Variants in WDFY2 observed in about 807,000 individuals in gnomAD.
WDFY2 encodes the protein WD repeat and FYVE domain-containing protein 2.
A neutral mutation model predicts 56.4 loss-of-function variants in WDFY2; 36 were observed. That is an observed-to-expected ratio of 0.64 (90% CI 0.49 to 0.84). WDFY2 has a LOEUF of 0.84. WDFY2 is among the 40% of genes least tolerant of loss of function. The pLI, the probability that WDFY2 is intolerant of heterozygous loss-of-function variation, is 0.00. For synonymous variants in WDFY2, 176 were observed against 183.7 expected (o/e 0.96, Z 0.34); for missense variants, 444 against 512.2 (o/e 0.87, Z 1.29).
chr13:51,702,916 C>T (rs537322109), intron 3 of WDFY2, among the ~76,000 whole-genome samples: 172 of 152,308 alleles, frequency 1.1e-3, no homozygotes, highest in Middle Eastern at 3.4e-3. Flanking sequence ...CTTCTACATA[C>T]AGGTCACTGT....
At chr13:51,672,471 G>A (rs980113388) in intron 2 of WDFY2, among the ~76,000 whole-genome samples, 9 of 151,860 alleles carry the variant, frequency 5.9e-5, no homozygotes, top group Admixed American at 2.6e-4. Context: ...GTTTGAAGTC[G>A]GGTAATGTGA....
At position 51,660,634 on chromosome 13, in the gene WDFY2, A is replaced by G. The variant is rs541421313; in HGVS notation, c.176A>G (p.Tyr59Cys). 2 of 1,613,854 alleles carry G rather than the reference A, an allele frequency of 1.2e-6. No homozygotes were observed. Among genetic ancestry groups the G allele is most frequent in the Admixed American group, 3.3e-5 (2 of 60,022 alleles). ...RVWLKRDSGQ[Y>C]WPSVYHAMPS... ...TGGTTAAAGAGAGACAGTGGACAGTATTGGCCAAGCGTATACCATGCAATG... is the reference window on the plus strand; with the variant it reads ...TGGTTAAAGAGAGACAGTGGACAGTGTTGGCCAAGCGTATACCATGCAATG... The change falls in exon 2 of 12, where the codon TAT (tyrosine) becomes TGT (cysteine). Residue 59 changes from tyrosine to cysteine, a missense_variant. Tyr to Cys is a radical substitution (Grantham distance 194). Coordinates refer to ENST00000298125, the MANE Select transcript of WDFY2 (RefSeq NM_052950.4).
chr13:51,729,957 G>A (rs1952687175), intron 6 of WDFY2, among the ~76,000 whole-genome samples: 2 of 152,186 alleles, frequency 1.3e-5, no homozygotes, highest in African/African-American at 2.4e-5. Flanking sequence ...CTGAAACTCT[G>A]TTCCCTTGGA....
At chr13:51,738,112 G>A (rs1224604417) in intron 6 of WDFY2, among the ~76,000 whole-genome samples, 2 of 152,148 alleles carry the variant, frequency 1.3e-5, no homozygotes, top group African/African-American at 4.8e-5. Context: ...TAAGAAAAAT[G>A]TCAGATTCCA....
At chr13:51,735,666 C>T (rs148565336) in intron 6 of WDFY2, among the ~76,000 whole-genome samples, 3 of 152,326 alleles carry the variant, frequency 2.0e-5, no homozygotes, top group Non-Finnish European at 4.4e-5. Context: ...GAGCCTAGCA[C>T]AGTTCCTCCA....
At chr13:51,631,804 C>T (rs1954957779) in intron 1 of WDFY2, among the ~76,000 whole-genome samples, 1 of 152,232 alleles carries the variant, frequency 6.6e-6, no homozygotes, top group African/African-American at 2.4e-5. Flanking sequence ...GCTGGGATTA[C>T]AGGCGTGAGC....
intron 6 of WDFY2, among the ~76,000 whole-genome samples, chr13:51,736,962 C>G (rs1290467950): frequency 6.6e-6 from 1 of 152,176 alleles, no homozygotes; most frequent in Non-Finnish European, 1.5e-5. Context: ...CCTTTCTAAT[C>G]ATTCTTTTTA....
intron 1 of WDFY2, among the ~76,000 whole-genome samples, chr13:51,593,446 A>C (rs556484058): frequency 6.6e-6 from 1 of 152,190 alleles, no homozygotes; most frequent in South Asian, 2.1e-4. Flanking sequence ...TCTTTAGGAA[A>C]GATTGTAAGA....
intron 4 of WDFY2, among the ~76,000 whole-genome samples, chr13:51,712,307 G>A (rs1303574153): frequency 1.3e-5 from 2 of 152,108 alleles, no homozygotes; most frequent in Non-Finnish European, 2.9e-5. Flanking sequence ...TGGTGTGGGG[G>A]GAGCGGGGAG....
At position 51,766,022 on chromosome 13, in the gene WDFY2, AAAAG is replaced by A. The variant is rs991301641; in HGVS notation, c.*6254_*6257del. 2.0e-5 allele frequency: 3 copies of A among 152,176 alleles called. No individual in the cohort carries two copies. The highest frequency in any genetic ancestry group is 7.2e-5 in the African/African-American group (3 of 41,442). The allele number at this position is 152,176 out of a possible 1,614,324, so 9.4% of individuals were successfully genotyped here. ...GAGAAGGTGAGCTGTCACTCACAAAAAAAGGGAAAATGATTTGAAAAATGTTTCA... is the reference window on the plus strand; with the variant it reads ...GAGAAGGTGAGCTGTCACTCACAAAAGGAAAATGATTTGAAAAATGTTTCA... On this transcript the variant is annotated 3_prime_UTR_variant, in exon 12 of 12. Transcript: ENST00000298125.
chr13:51,753,930 C>CAA (rs537276266), intron 8 of WDFY2, among the ~76,000 whole-genome samples: 15 of 135,304 alleles, frequency 1.1e-4, no homozygotes, highest in African/African-American at 1.6e-4. Flanking sequence ...ACTAACAATA[C>CAA]AAAAAAAAAA....
At chr13:51,654,088 C>T (rs751078702) in intron 1 of WDFY2, among the ~76,000 whole-genome samples, 1 of 152,192 alleles carries the variant, frequency 6.6e-6, no homozygotes, top group Non-Finnish European at 1.5e-5. Flanking sequence ...TTTACCTACT[C>T]AACCCTAGGC....
chr13:51,608,103 C>T (rs1954417936), intron 1 of WDFY2, among the ~76,000 whole-genome samples: 1 of 152,138 alleles, frequency 6.6e-6, no homozygotes, highest in Non-Finnish European at 1.5e-5. Flanking sequence ...TTGATTTTAG[C>T]CCCTTAACAC....
intron 1 of WDFY2, among the ~76,000 whole-genome samples, chr13:51,653,412 A>G (rs934979409): frequency 2.0e-5 from 3 of 152,200 alleles, no homozygotes; most frequent in Non-Finnish European, 2.9e-5. Context: ...CGTCAAAGTC[A>G]TTCTCCGTCC....
chr13:51,640,215 T>A (rs549689986), intron 1 of WDFY2, among the ~76,000 whole-genome samples: 1 of 152,248 alleles, frequency 6.6e-6, no homozygotes, highest in African/African-American at 2.4e-5. Context: ...ACTGTTTTTC[T>A]ATTTATAATC....
At position 51,698,840 on chromosome 13, in the gene WDFY2, A is replaced by G. The variant is rs138189982; in HGVS notation, c.280-4756A>G. 5.0e-3 allele frequency among the ~76,000 whole-genome samples: 755 copies of G among 152,340 alleles called. 5 individuals are homozygous for G. The highest frequency in any genetic ancestry group is 0.014 in the African/African-American group (593 of 41,572). On this transcript the variant is annotated intron_variant, in intron 3 of 11. Coordinates refer to ENST00000298125, the MANE Select transcript of WDFY2 (RefSeq NM_052950.4). ...AAAAATAAAACATTTCAGTACTACG[A>G]AAGATTTGATAAAATTCAAAGGCAG... is the stretch of plus-strand genomic sequence containing the variant.
In WDFY2 at chr13:51,751,337, A is replaced by G; in HGVS notation, c.753A>G (p.Ala251=). The G allele has an allele frequency of 6.2e-7, 1 of 1,613,990 alleles. No homozygotes were observed. The highest frequency in any genetic ancestry group is 1.1e-5 in the South Asian group (1 of 91,084). The change falls in exon 8 of 12, where the codon GCA becomes GCG. Residue 251 remains alanine, a synonymous_variant. Coordinates refer to ENST00000298125, the MANE Select transcript of WDFY2 (RefSeq NM_052950.4). The part of the protein sequence containing the change: ...HNDRVQALSY[A]QHTRQLISCG... The stretch of plus-strand genomic sequence containing the variant: ...ACAGAGTCCAGGCCCTCTCCTATGC[A>G]CAGCACACGCGACAATTGATCTCCT...
chr13:51,686,213 T>C (rs762479027), intron 3 of WDFY2, among the ~76,000 whole-genome samples: 5 of 152,168 alleles, frequency 3.3e-5, no homozygotes, highest in Non-Finnish European at 7.3e-5. Flanking sequence ...AGCTTGATCA[T>C]CATGAACAAG....
chr13:51,753,095 G>A (rs7328695), intron 8 of WDFY2: 16,624 of 152,250 alleles, frequency 0.11, 1,098 homozygotes, highest in East Asian at 0.3. Flanking sequence ...AGTCATCATT[G>A]GCTAATGTTC....
Sources: allele counts gnomAD v4.1 joint callset (sites outside exome capture counted in the v4.1 genomes callset), GRCh38; gene constraint gnomAD v4.1.1; transcripts MANE v1.5; gene names NCBI Gene and HGNC (gene_info 2026-07-23, HGNC 2026-07-21).